PIGK: variants seen among roughly 807,000 people sequenced by gnomAD.
The protein encoded by PIGK is phosphatidylinositol glycan anchor biosynthesis class K.
A neutral mutation model predicts 50.6 loss-of-function variants in PIGK; 42 were observed. The ratio of observed to expected loss-of-function variants is 0.83; its 90% CI spans 0.65 to 1.07. The LOEUF is 1.07. Among genes scored for constraint, PIGK ranks in the 50% least tolerant of loss-of-function variants. The pLI, the probability that PIGK is intolerant of heterozygous loss-of-function variation, is 0.00. For synonymous variants in PIGK, 151 were observed against 156.0 expected (o/e 0.97, Z 0.24); for missense variants, 448 against 488.7 (o/e 0.92, Z 0.78).
intron 3 of PIGK, among the ~76,000 whole-genome samples, chr1:77,178,817 G>T (rs1275420645): frequency 6.6e-6 from 1 of 152,184 alleles, no homozygotes; most frequent in Middle Eastern, 3.2e-3. Context: ...AATGACAAGA[G>T]CTGAAAGAAA....
At chr1:77,131,499 A>G (rs1654370718) in intron 9 of PIGK, among the ~76,000 whole-genome samples, 1 of 152,066 alleles carries the variant, frequency 6.6e-6, no homozygotes, top group Non-Finnish European at 1.5e-5. Flanking sequence ...AAATGCTTCT[A>G]TAATTTCACA....
At chr1:77,202,482 T>C (rs1384243478) in intron 3 of PIGK, among the ~76,000 whole-genome samples, 3 of 151,878 alleles carry the variant, frequency 2.0e-5, no homozygotes, top group Non-Finnish European at 4.4e-5. Flanking sequence ...TGAAGGACAA[T>C]ACAGTGACTA....
chr1:77,211,405 T>C (rs1656417993), intron 1 of PIGK, among the ~76,000 whole-genome samples: 1 of 152,010 alleles, frequency 6.6e-6, no homozygotes, highest in Non-Finnish European at 1.5e-5. Context: ...ACTATAAAGT[T>C]GTAACTTTCA....
At chr1:77,129,331 C>G in intron 9 of PIGK, 3 of 1,590,044 alleles carry the variant, frequency 1.9e-6, no homozygotes. Context: ...TGTGCGCAGG[C>G]CAAGCAGTGG....
At chr1:77,128,921 T>C (rs72681900) in intron 9 of PIGK, among the ~76,000 whole-genome samples, 5,496 of 152,204 alleles carry the variant, frequency 0.036, 200 homozygotes, top group South Asian at 0.21. Context: ...TTTTGAATGG[T>C]TAGAAAAAAT....
chr1:77,171,613 G>C lies in PIGK; in HGVS notation c.240-2218C>G, dbSNP rs2689668. Among the ~76,000 whole-genome samples the C allele has an allele frequency of 3.9e-5, 6 of 151,996 alleles. No individual in the cohort carries two copies. In the East Asian group the frequency reaches 1.2e-3, roughly 29 times the overall value. On this transcript the variant is annotated intron_variant, in intron 3 of 10. Coordinates refer to ENST00000370812, the MANE Select transcript of PIGK (RefSeq NM_005482.3). ...ATAAATGTAATCAACATTTCTCTTAGAGATAATTTTAAGCCTCAATATAAG... is the reference window on the plus strand; with the variant it reads ...ATAAATGTAATCAACATTTCTCTTACAGATAATTTTAAGCCTCAATATAAG...
chr1:77,148,862 G>T (rs71658783), intron 9 of PIGK, among the ~76,000 whole-genome samples: 17,148 of 151,762 alleles, frequency 0.11, 1,320 homozygotes, highest in African/African-American at 0.21. Flanking sequence ...CTACAGGTGC[G>T]CACTGCCACG....
intron 10 of PIGK, among the ~76,000 whole-genome samples, chr1:77,110,785 G>T (rs370192414): frequency 2.6e-5 from 4 of 152,032 alleles, no homozygotes; most frequent in Non-Finnish European, 4.4e-5. Flanking sequence ...TAAAGAGTTT[G>T]TGCACAGCAA....
chr1:77,193,394 G>A (rs1655957852), intron 3 of PIGK, among the ~76,000 whole-genome samples: 1 of 152,084 alleles, frequency 6.6e-6, no homozygotes, highest in African/African-American at 2.4e-5. Context: ...CCACACTGGA[G>A]TTTGTGCCTT....
chr1:77,212,699 A>G (rs986232145), intron 1 of PIGK, among the ~76,000 whole-genome samples: 8 of 152,074 alleles, frequency 5.3e-5, no homozygotes, highest in African/African-American at 1.2e-4. Context: ...CAAAAACTAT[A>G]AAAAAGAGAC....
chr1:77,140,272 C>G (rs1654618148), intron 9 of PIGK, among the ~76,000 whole-genome samples: 1 of 152,064 alleles, frequency 6.6e-6, no homozygotes, highest in South Asian at 2.1e-4. Context: ...CTCTTGCACT[C>G]TCTCCCAAAC....
chr1:77,143,508 T>C (rs929889857), intron 9 of PIGK, among the ~76,000 whole-genome samples: 9 of 152,048 alleles, frequency 5.9e-5, no homozygotes, highest in Non-Finnish European at 8.8e-5. Flanking sequence ...TTTTCCCCCA[T>C]AATAAAAGCC....
chr1:77,118,754 G>C (rs1654032864), intron 10 of PIGK, among the ~76,000 whole-genome samples: 2 of 152,142 alleles, frequency 1.3e-5, no homozygotes, highest in African/African-American at 4.8e-5. Flanking sequence ...GATCTGTGAT[G>C]TCACCTTTAT....
intron 2 of PIGK, 27 bp downstream of exon 2, chr1:77,210,409 C>A: frequency 6.9e-7 from 1 of 1,439,714 alleles, no homozygotes. Context: ...ATGTGAACAG[C>A]AAGGTATACT....
At chr1:77,186,786 G>T (rs190645609) in intron 3 of PIGK, among the ~76,000 whole-genome samples, 180 of 152,258 alleles carry the variant, frequency 1.2e-3, no homozygotes, top group African/African-American at 4.1e-3. Flanking sequence ...CGCTGACCTG[G>T]TTATGGCCAC....
At position 77,154,640 on chromosome 1, in the gene PIGK, A is replaced by G; in HGVS notation, c.814-19T>C. ...CCTGAAACTGAAAAAATATATAATA[A>G]TAAATGCATGCATCCACACACATAC... On this transcript the variant is annotated intron_variant, in intron 8 of 10. Coordinates refer to ENST00000370812, the MANE Select transcript of PIGK (RefSeq NM_005482.3). 6.0e-6 allele frequency: 9 copies of G among 1,507,816 alleles called. No homozygotes were observed. Among genetic ancestry groups the G allele is most frequent in the Non-Finnish European group, 8.3e-6 (9 of 1,089,952 alleles). 93.4% of individuals were successfully genotyped at this position (1,507,816 alleles called of 1,614,324 possible).
At chr1:77,219,249 A>C in intron 1 of PIGK, 61 bp downstream of exon 1, 11 of 1,356,900 alleles carry the variant, frequency 8.1e-6, no homozygotes, top group Non-Finnish European at 1.2e-5. Context: ...TGTGTATCGG[A>C]CATCTGCTGG....
At chr1:77,117,305 C>T (rs919156931) in intron 10 of PIGK, among the ~76,000 whole-genome samples, 1 of 152,170 alleles carries the variant, frequency 6.6e-6, no homozygotes, top group Non-Finnish European at 1.5e-5. Context: ...GAAAAATTAT[C>T]TATTGAGACT....
At chr1:77,142,622 G>A (rs1465103636) in intron 9 of PIGK, among the ~76,000 whole-genome samples, 1 of 152,146 alleles carries the variant, frequency 6.6e-6, no homozygotes, top group Non-Finnish European at 1.5e-5. Flanking sequence ...GAACATGGCA[G>A]AAGGCAAAGG....
Sources: gnomAD v4.1 joint callset for allele counts (sites outside exome capture counted in the v4.1 genomes callset) on GRCh38, gnomAD v4.1.1 for gene constraint, MANE v1.5 for transcripts, NCBI Gene and HGNC (gene_info 2026-07-23, HGNC 2026-07-21) for gene names.